The following PDE4A variants were observed in gnomAD, a reference collection of about 807,000 sequenced individuals.
PDE4A encodes the protein 3',5'-cyclic-AMP phosphodiesterase 4A.
PDE4A carries 21 observed loss-of-function variants against 73.9 expected under a neutral mutation model. That is an observed-to-expected ratio of 0.28 (90% CI 0.20 to 0.41). The LOEUF is 0.41. Ranked by LOEUF, PDE4A falls within the 10% of genes least tolerant of loss-of-function variation. The probability of loss-of-function intolerance (pLI) is 1.00; values close to 1 mark genes in which losing one functional copy is unlikely to be tolerated. For synonymous variants in PDE4A, 463 were observed against 505.4 expected, an observed-to-expected ratio of 0.92 and a Z score of 1.13; for missense variants, 958 against 1,211.4, an observed-to-expected ratio of 0.79 and a Z score of 3.10.
rs1197504705 is a variant in PDE4A at position 10,421,334 on chromosome 19, T to C, written c.320+250T>C. 5 of 985,136 alleles carry C rather than the reference T, an allele frequency of 5.1e-6. No homozygotes were observed. The African/African-American group carries it at 8.7e-5, about 17-fold the overall frequency. 61.0% of individuals were successfully genotyped at this position (985,136 alleles called of 1,614,324 possible). A position where few individuals can be genotyped will look rare whatever the true frequency, so the allele number is the denominator to read the frequency against. ...CGCTGCGCGTGGTGTTAACGAGGTCTGGGTTGGGGAAGGGGGCTGCACACT... is the reference window on the plus strand; with the variant it reads ...CGCTGCGCGTGGTGTTAACGAGGTCCGGGTTGGGGAAGGGGGCTGCACACT... On this transcript the variant is annotated intron_variant, in intron 1 of 14. Coordinates refer to ENST00000380702, the MANE Select transcript of PDE4A (RefSeq NM_001111307.2).
chr19:10,422,405 T>C (rs1483851441), intron 1 of PDE4A, among the ~76,000 whole-genome samples: 1 of 152,198 alleles, frequency 6.6e-6, no homozygotes, highest in East Asian at 1.9e-4. Flanking sequence ...TGGTGTCCTC[T>C]AACCACCTGG....
chr19:10,419,818 C>T (rs143623416), upstream of PDE4A, among the ~76,000 whole-genome samples: 4 of 152,312 alleles, frequency 2.6e-5, no homozygotes, highest in East Asian at 7.7e-4. Context: ...AGTCCCCAGG[C>T]CACCTGAAAA....
Position 10,424,628 on chromosome 19 carries a change from T to C in PDE4A, c.320+3544T>C, listed in dbSNP as rs568843837. On this transcript the variant is annotated intron_variant, in intron 1 of 14. Coordinates refer to ENST00000380702, the MANE Select transcript of PDE4A (RefSeq NM_001111307.2). This position sits in a 1 kb window ranked among gnomAD's most constrained non-coding sequence, Gnocchi z 4.8. ...ATTATTTTATGCTTATTGAGCGTCC[T>C]GGAGAGCGGGCGCCAGGCCGGCTGA... is the stretch of plus-strand genomic sequence containing the variant. 9.2e-5 allele frequency among the ~76,000 whole-genome samples: 14 copies of C among 152,364 alleles called. No homozygotes were observed. Among genetic ancestry groups the C allele is most frequent in the Middle Eastern group, 3.4e-3 (1 of 294 alleles).
chr19:10,455,072 C>T (rs1018179618), intron 7 of PDE4A, 150 bp downstream of exon 7: 1 of 716,624 alleles, frequency 1.4e-6, no homozygotes, highest in African/African-American at 1.8e-5. Flanking sequence ...CAGGAACCCT[C>T]ATGTTCCTGA....
chr19:10,449,193 A>T, intron 4 of PDE4A, 43 bp downstream of exon 4: 2 of 1,598,014 alleles, frequency 1.3e-6, no homozygotes, highest in Non-Finnish European at 1.7e-6. Flanking sequence ...CATAAGGTGA[A>T]GCATATGCGG....
intron 6 of PDE4A, 123 bp from the exon 7 acceptor site, chr19:10,454,706 G>C: frequency 6.5e-7 from 1 of 1,542,122 alleles, no homozygotes. Flanking sequence ...TAGGGGCTCT[G>C]TTGGCTGAGC....
rs905250517 is a variant in PDE4A at position 10,468,325 on chromosome 19, C to CG, written c.*709dup. ...TGGGGGAGCTGTTCACTTTAGGATA[C>CG]GGGGGTGGTATGGAAGGGAGCGTTC... On this transcript the variant is annotated 3_prime_UTR_variant, in exon 15 of 15. Coordinates refer to ENST00000380702, the MANE Select transcript of PDE4A (RefSeq NM_001111307.2). The CG allele has an allele frequency of 2.6e-5, 4 of 152,504 alleles. No homozygotes were observed. Among genetic ancestry groups the CG allele is most frequent in the African/African-American group, 9.7e-5 (4 of 41,370 alleles). The allele number at this position is 152,504 out of a possible 1,614,324, so 9.4% of individuals were successfully genotyped here.
chr19:10,459,870 C>A, intron 10 of PDE4A, 111 bp downstream of exon 10: 1 of 1,238,706 alleles, frequency 8.1e-7, no homozygotes. Context: ...CTCTTTGACG[C>A]CATTTCTCTC....
intron 13 of PDE4A, among the ~76,000 whole-genome samples, chr19:10,463,395 C>CTTT (rs35214617): frequency 1.7e-3 from 168 of 100,308 alleles, no homozygotes; most frequent in Non-Finnish European, 2.1e-3. Context: ...CAGCCCCATT[C>CTTT]TTTTTTTTTT....
intron 1 of PDE4A, among the ~76,000 whole-genome samples, chr19:10,434,889 CTTT>C (rs377462932): frequency 3.7e-5 from 4 of 107,214 alleles, no homozygotes; most frequent in African/African-American, 3.7e-5. Flanking sequence ...CTGTGCCCAG[CTTT>C]TTTTTTTTTT....
intron 14 of PDE4A, among the ~76,000 whole-genome samples, chr19:10,465,509 C>T (rs765144786): frequency 3.3e-5 from 5 of 150,008 alleles, no homozygotes; most frequent in South Asian, 2.1e-4. Flanking sequence ...CATAAGCCAC[C>T]GCGCCCAGCC....
At chr19:10,422,514 C>T (rs2042664252) in intron 1 of PDE4A, among the ~76,000 whole-genome samples, 1 of 152,168 alleles carries the variant, frequency 6.6e-6, no homozygotes, top group African/African-American at 2.4e-5. Flanking sequence ...TGTGCTCTAC[C>T]TGGATGCCCC....
At chr19:10,418,332 G>T (rs986247224), upstream of PDE4A, among the ~76,000 whole-genome samples, 2 of 152,164 alleles carry the variant, frequency 1.3e-5, no homozygotes, top group African/African-American at 4.8e-5. Context: ...ACCTCCTGCT[G>T]ATTCTCATCT....
chr19:10,432,475 C>T (rs1299518618), intron 1 of PDE4A: 5 of 1,501,532 alleles, frequency 3.3e-6, no homozygotes, highest in Non-Finnish European at 4.4e-6. Flanking sequence ...CCCCGGCCCC[C>T]TGCCCTGGCA....
Position 10,420,671 on chromosome 19 carries a change from C to T in PDE4A, c.-94C>T, listed in dbSNP as rs1158910910. The T allele has an allele frequency of 7.3e-7, 1 of 1,368,652 alleles. No homozygotes were observed. The highest frequency in any genetic ancestry group is 1.5e-5 in the African/African-American group (1 of 64,910). The allele number at this position is 1,368,652 out of a possible 1,614,324, so 84.8% of individuals were successfully genotyped here. A position where few individuals can be genotyped will look rare whatever the true frequency, so the allele number is the denominator to read the frequency against. On this transcript the variant is annotated 5_prime_UTR_variant, in exon 1 of 15. Transcript: ENST00000380702. This position sits in a 1 kb window ranked among gnomAD's most constrained non-coding sequence, Gnocchi z 6.0. ...TGGCCCTACCGCGGCCGGGCGCACC[C>T]GCGGGGCCCTGGGCTCGCTGGCTTG...
At chr19:10,427,035 C>T (rs758288738) in intron 1 of PDE4A, among the ~76,000 whole-genome samples, 24 of 152,038 alleles carry the variant, frequency 1.6e-4, no homozygotes, top group Non-Finnish European at 2.9e-4. Flanking sequence ...GGCGCAGTGG[C>T]TCACACCTGT....
intron 14 of PDE4A, among the ~76,000 whole-genome samples, chr19:10,464,685 G>A (rs2043333912): frequency 6.6e-6 from 1 of 151,730 alleles, no homozygotes. Flanking sequence ...GGGATATGGG[G>A]TGAGTCACCA....
At position 10,424,549 on chromosome 19, in the gene PDE4A, C is replaced by T. The variant is rs1169878282; in HGVS notation, c.320+3465C>T. Among the ~76,000 whole-genome samples, 1 of 152,238 alleles carries T rather than the reference C, an allele frequency of 6.6e-6. No homozygotes were observed. The highest frequency in any genetic ancestry group is 1.9e-4 in the East Asian group (1 of 5,194). On this transcript the variant is annotated intron_variant, in intron 1 of 14. Transcript: ENST00000380702. This position sits in a 1 kb window ranked among gnomAD's most constrained non-coding sequence, Gnocchi z 4.8. Reference sequence around the variant, plus strand: ...CGAGCGCGGACCTGCTCCAGGGACGCCGCCAGTCCCGGAGCAAAGCAAAGT... The same window carrying T: ...CGAGCGCGGACCTGCTCCAGGGACGTCGCCAGTCCCGGAGCAAAGCAAAGT...
rs749421091 is a variant in PDE4A at position 10,454,864 on chromosome 19, G to A, written c.819G>A (p.Leu273=). Reference sequence around the variant, plus strand: ...TGTTGAACCGTGAGCTCACACACCTGTCAGAAATGAGCAGGTCCGGAAACC... The same window carrying A: ...TGTTGAACCGTGAGCTCACACACCTATCAGAAATGAGCAGGTCCGGAAACC... ...KRMLNRELTH[L]SEMSRSGNQV... Residue 273 remains leucine (L), a synonymous_variant, in exon 7 of 15, where the codon CTG becomes CTA. Transcript: ENST00000380702. 6.2e-7 allele frequency: 1 copy of A among 1,614,098 alleles called. No individual in the cohort carries two copies. The highest frequency in any genetic ancestry group is 8.5e-7 in the Non-Finnish European group (1 of 1,180,000).
Sources: allele counts gnomAD v4.1 joint callset (sites outside exome capture counted in the v4.1 genomes callset), GRCh38; gene constraint gnomAD v4.1.1; non-coding constraint Gnocchi (gnomAD v3.1); transcripts MANE v1.5; gene names NCBI Gene and HGNC (gene_info 2026-07-23, HGNC 2026-07-21).